Variants in B4GALNT2 observed in about 807,000 individuals in gnomAD.
B4GALNT2 encodes N-acetylneuraminylgalactosylglucosyl-glucoside beta-1,4-N- acetylgalactosaminyltransferase 2.
B4GALNT2 carries 42 observed loss-of-function variants against 51.1 expected under a neutral mutation model. That is an observed-to-expected ratio of 0.82 (90% confidence interval 0.64 to 1.06). The LOEUF is 1.06. Among genes scored for constraint, B4GALNT2 ranks in the 50% least tolerant of loss-of-function variants. B4GALNT2 has a pLI of 0.00. For synonymous variants in B4GALNT2, 253 were observed against 251.7 expected (o/e 1.01, Z -0.05); for missense variants, 602 against 633.6 (o/e 0.95, Z 0.54).
chr17:49,150,978 A>G (rs1321472243), intron 3 of B4GALNT2, among the ~76,000 whole-genome samples: 5 of 152,128 alleles, frequency 3.3e-5, no homozygotes, highest in South Asian at 4.1e-4. Context: ...GTAAGTATTC[A>G]CTATGATGAT....
At chr17:49,128,467 T>G (rs2042521511), upstream of B4GALNT2, among the ~76,000 whole-genome samples, 1 of 150,730 alleles carries the variant, frequency 6.6e-6, no homozygotes. Context: ...GAGGAAGGAG[T>G]TTTGAAGGAA....
At chr17:49,125,738 C>T in the B4GALNT2 span, among the ~76,000 whole-genome samples, 4 of 45,854 alleles carry the variant, frequency 8.7e-5, no homozygotes, top group African/African-American at 1.4e-4. Context: ...CGCCCCGTCC[C>T]GGAGGGAGGT....
chr17:49,142,144 C>T lies in B4GALNT2; in HGVS notation c.325C>T (p.Gln109Ter), dbSNP rs749775812. 18 of 1,614,046 alleles carry T rather than the reference C, an allele frequency of 1.1e-5. No individual in the cohort carries two copies. Among genetic ancestry groups the T allele is most frequent in the Non-Finnish European group, 1.5e-5 (18 of 1,179,992 alleles). The change falls in exon 3 of 11, where the codon CAG becomes TAG. Residue 109 changes from glutamine (Q) to a stop codon, truncating the protein, a stop_gained. Transcript: ENST00000393354. LOFTEE classifies it high-confidence loss of function. ...SDLPAVKARR[Q>*]AEFEHFQRRE... ...CCTCCCAGCGGTGAAAGCGAGGAGA[C>T]AGGCTGAATTTGAACACTTTCAGAG...
chr17:49,148,891 A>C (rs1290410675), intron 3 of B4GALNT2: 2 of 189,236 alleles, frequency 1.1e-5, no homozygotes, highest in Non-Finnish European at 2.2e-5. Context: ...CCCCGTCTCT[A>C]TTAAAAATAC....
chr17:49,124,038 G>C, the B4GALNT2 span, among the ~76,000 whole-genome samples: 1 of 152,198 alleles, frequency 6.6e-6, no homozygotes, highest in Non-Finnish European at 1.5e-5. Flanking sequence ...AAATCAGGTA[G>C]AGAGAAACAA....
intron 3 of B4GALNT2, among the ~76,000 whole-genome samples, chr17:49,145,444 A>C (rs1484872534): frequency 6.6e-6 from 1 of 152,246 alleles, no homozygotes; most frequent in Non-Finnish European, 1.5e-5. Context: ...TATATGCACA[A>C]ACATGTTTTT....
chr17:49,166,564 G>C (rs2042913420), intron 9 of B4GALNT2, among the ~76,000 whole-genome samples: 1 of 152,154 alleles, frequency 6.6e-6, no homozygotes, highest in Non-Finnish European at 1.5e-5. Context: ...TGAGATTAAA[G>C]ACAGGAGCAT....
intron 1 of B4GALNT2, among the ~76,000 whole-genome samples, chr17:49,134,352 T>C (rs1230568288): frequency 2.0e-5 from 3 of 152,240 alleles, no homozygotes; most frequent in Non-Finnish European, 4.4e-5. Context: ...GTTTATCATT[T>C]CTTTGTGTTG....
rs2042988134 is a variant in B4GALNT2 at position 49,176,347 on chromosome 17, CAT to C, written c.*6620_*6621del. 1 of 152,228 alleles carries C rather than the reference CAT, an allele frequency of 6.6e-6. No individual in the cohort carries two copies. The highest frequency in any genetic ancestry group is 6.5e-5 in the Admixed American group (1 of 15,278). 9.4% of individuals were successfully genotyped at this position (152,228 alleles called of 1,614,324 possible). On this transcript the variant is annotated 3_prime_UTR_variant, in exon 11 of 11. Coordinates refer to ENST00000393354, the MANE Select transcript of B4GALNT2 (RefSeq NM_001159387.2). The stretch of plus-strand genomic sequence containing the variant: ...AAAGCCCCGAACAGAGTTTGACTCA[CAT>C]GTTTATTGACAGCAAGCCAGTGATA...
chr17:49,121,207 G>A, the B4GALNT2 span, among the ~76,000 whole-genome samples: 4 of 152,152 alleles, frequency 2.6e-5, no homozygotes, highest in Non-Finnish European at 4.4e-5. Context: ...CCAGGCCTGC[G>A]CAAGGCTCTG....
chr17:49,156,236 G>A (rs1473464382), intron 4 of B4GALNT2, among the ~76,000 whole-genome samples: 1 of 152,060 alleles, frequency 6.6e-6, no homozygotes, highest in Non-Finnish European at 1.5e-5. Flanking sequence ...GGCTACTCCA[G>A]GTGCCTTATA....
At chr17:49,140,756 G>T (rs2042636246) in intron 1 of B4GALNT2, among the ~76,000 whole-genome samples, 1 of 119,960 alleles carries the variant, frequency 8.3e-6, no homozygotes, top group African/African-American at 3.3e-5. Context: ...GTCTCGCTCT[G>T]TCGCCAGGCT....
At chr17:49,169,004 C>T in intron 10 of B4GALNT2, 104 bp downstream of exon 10, 18 of 1,197,026 alleles carry the variant, frequency 1.5e-5, no homozygotes, top group Non-Finnish European at 1.9e-5. Context: ...TAGTCGCTTG[C>T]CCAGTAGCAG....
chr17:49,155,202 T>G (rs66828648), intron 4 of B4GALNT2, among the ~76,000 whole-genome samples: 28,050 of 146,392 alleles, frequency 0.19, 3,202 homozygotes, highest in African/African-American at 0.31. Flanking sequence ...CCAGTACTCG[T>G]GAGGAGAATT....
chr17:49,152,669 G>C (rs1269950492), intron 3 of B4GALNT2, 131 bp from the exon 4 acceptor site: 1 of 612,526 alleles, frequency 1.6e-6, no homozygotes, highest in African/African-American at 1.9e-5. Context: ...AGAATGGAGG[G>C]AGACAGGGAC....
In B4GALNT2 at chr17:49,169,950, T is replaced by C; in HGVS notation, c.*222T>C. ...ATGGAGACTGTATTAATAGCAATGATGATTTGTACAATGCCCTGCCTTTTT... is the reference window on the plus strand; with the variant it reads ...ATGGAGACTGTATTAATAGCAATGACGATTTGTACAATGCCCTGCCTTTTT... On this transcript the variant is annotated 3_prime_UTR_variant, in exon 11 of 11. Coordinates refer to ENST00000393354, the MANE Select transcript of B4GALNT2 (RefSeq NM_001159387.2). 1 of 440,882 alleles carries C rather than the reference T, an allele frequency of 2.3e-6. No homozygotes were observed. The highest frequency in any genetic ancestry group is 3.5e-5 in the East Asian group (1 of 28,912). 27.3% of individuals were successfully genotyped at this position (440,882 alleles called of 1,614,324 possible). A position where few individuals can be genotyped will look rare whatever the true frequency, so the allele number is the denominator to read the frequency against.
At chr17:49,140,750 C>T (rs761773402) in intron 1 of B4GALNT2, among the ~76,000 whole-genome samples, 3 of 125,122 alleles carry the variant, frequency 2.4e-5, no homozygotes, top group African/African-American at 6.3e-5. Flanking sequence ...TGAGGAGTCT[C>T]GCTCTGTCGC....
chr17:49,126,806 C>G, the B4GALNT2 span, among the ~76,000 whole-genome samples: 2 of 152,050 alleles, frequency 1.3e-5, no homozygotes, highest in Non-Finnish European at 2.9e-5. Context: ...AAGCAATTCT[C>G]AAGCTACTCA....
At chr17:49,126,315 A>T in the B4GALNT2 span, among the ~76,000 whole-genome samples, 1 of 152,064 alleles carries the variant, frequency 6.6e-6, no homozygotes, top group Non-Finnish European at 1.5e-5. Context: ...GCTCGTTAAG[A>T]GTCACCACCA....
Sources: gnomAD v4.1 joint callset for allele counts (sites outside exome capture counted in the v4.1 genomes callset) on GRCh38, gnomAD v4.1.1 for gene constraint, MANE v1.5 for transcripts, NCBI Gene and HGNC (gene_info 2026-07-23, HGNC 2026-07-21) for gene names.